Variants in LINGO2 observed in about 807,000 individuals in gnomAD.
LINGO2 encodes leucine rich repeat and Ig domain containing 2, also known as leucine-rich repeat and immunoglobulin-like domain-containing nogo receptor-interacting protein 2.
A neutral mutation model predicts 30.6 loss-of-function variants in LINGO2; 14 were observed. The observed-to-expected ratio is 0.46, with a 90% confidence interval of 0.30 to 0.72. The LOEUF (loss-of-function observed/expected upper bound fraction) is 0.72. LINGO2 is among the 30% of genes least tolerant of loss of function. LINGO2 has a pLI of 0.07. For missense variants in LINGO2, 729 were observed against 751.7 expected (o/e 0.97, Z 0.35); for synonymous variants, 317 against 288.5 (o/e 1.10, Z -1.00).
chr9:28,966,376 G>A, the LINGO2 span, among the ~76,000 whole-genome samples: 1 of 152,042 alleles, frequency 6.6e-6, no homozygotes, highest in African/African-American at 2.4e-5. Context: ...GATGTGGCTT[G>A]TTTTCCAAAG....
At chr9:28,594,020 T>C (rs1343464723) in intron 1 of LINGO2, among the ~76,000 whole-genome samples, 2 of 151,814 alleles carry the variant, frequency 1.3e-5, no homozygotes, top group Non-Finnish European at 2.9e-5. Flanking sequence ...GAATAGGTAA[T>C]AAAATCAACA....
chr9:29,190,682 A>G, the LINGO2 span, among the ~76,000 whole-genome samples: 20 of 152,340 alleles, frequency 1.3e-4, no homozygotes, highest in Middle Eastern at 3.4e-3. Context: ...AAAGCAACCA[A>G]TAAGGACACC....
intron 5 of LINGO2, among the ~76,000 whole-genome samples, chr9:27,995,139 G>A (rs907985240): frequency 1.3e-5 from 2 of 152,122 alleles, no homozygotes; most frequent in African/African-American, 2.4e-5. Flanking sequence ...GAAAAACCTC[G>A]AAGAAATGGA....
At chr9:28,632,880 G>GAGAGA (rs1563879250) in intron 1 of LINGO2, among the ~76,000 whole-genome samples, 8 of 64,588 alleles carry the variant, frequency 1.2e-4, no homozygotes, top group African/African-American at 4.5e-4. Context: ...ATATATATAT[G>GAGAGA]TAGAGAGAGA....
chr9:28,293,871 G>C (rs1823830202), intron 4 of LINGO2, among the ~76,000 whole-genome samples: 1 of 152,168 alleles, frequency 6.6e-6, no homozygotes, highest in Admixed American at 6.5e-5. Context: ...ATGCTATGAA[G>C]CATAGAACTC....
intron 4 of LINGO2, among the ~76,000 whole-genome samples, chr9:28,276,018 A>G (rs1823102915): frequency 6.6e-6 from 1 of 152,178 alleles, no homozygotes; most frequent in Non-Finnish European, 1.5e-5. Context: ...ATTTTGATTT[A>G]TACAAAATTA....
the LINGO2 span, among the ~76,000 whole-genome samples, chr9:28,866,805 T>C: frequency 2.6e-5 from 4 of 152,170 alleles, no homozygotes; most frequent in East Asian, 1.9e-4. Flanking sequence ...TTCTTTTTAA[T>C]TGGGCTCCAA....
chr9:29,002,850 G>C, the LINGO2 span, among the ~76,000 whole-genome samples: 1 of 151,878 alleles, frequency 6.6e-6, no homozygotes, highest in Non-Finnish European at 1.5e-5. Flanking sequence ...TAGGGGTTCA[G>C]TTGTATTCCC....
At chr9:28,855,869 C>T in the LINGO2 span, among the ~76,000 whole-genome samples, 4 of 152,080 alleles carry the variant, frequency 2.6e-5, no homozygotes, top group South Asian at 2.1e-4. Flanking sequence ...TAGTTCCTCC[C>T]TTCCATCCCT....
intron 4 of LINGO2, among the ~76,000 whole-genome samples, chr9:28,290,840 A>C (rs1823701089): frequency 1.3e-5 from 2 of 152,124 alleles, no homozygotes; most frequent in Non-Finnish European, 2.9e-5. Context: ...TAAGATCAGA[A>C]GGGTCAATTT....
At chr9:28,132,947 T>C (rs1426634896) in intron 4 of LINGO2, among the ~76,000 whole-genome samples, 1 of 152,182 alleles carries the variant, frequency 6.6e-6, no homozygotes, top group Non-Finnish European at 1.5e-5. Context: ...AAAGGTAATG[T>C]CCATATTCAT....
the LINGO2 span, among the ~76,000 whole-genome samples, chr9:28,686,414 T>C: frequency 2.0e-5 from 3 of 152,062 alleles, no homozygotes; most frequent in African/African-American, 4.8e-5. Flanking sequence ...AGAAAACTAA[T>C]TTTTATGGCT....
intron 4 of LINGO2, among the ~76,000 whole-genome samples, chr9:28,190,496 G>A (rs143689926): frequency 6.6e-6 from 1 of 152,096 alleles, no homozygotes; most frequent in African/African-American, 2.4e-5. Flanking sequence ...GAGCCCAAAT[G>A]AATGAGATTC....
the LINGO2 span, among the ~76,000 whole-genome samples, chr9:29,158,368 A>T: frequency 6.6e-6 from 1 of 152,076 alleles, no homozygotes; most frequent in Non-Finnish European, 1.5e-5. Context: ...AAAAATAAAA[A>T]TAAAAAAGAT....
the LINGO2 span, among the ~76,000 whole-genome samples, chr9:28,794,653 T>C: frequency 3.9e-5 from 6 of 152,140 alleles, no homozygotes; most frequent in African/African-American, 1.4e-4. Flanking sequence ...TTCTTTGACA[T>C]CCAGTAAGAT....
rs568171367 is a variant in LINGO2, at chr9:28,463,002, A to G, written c.-279+12938T>C. 2.6e-5 allele frequency among the ~76,000 whole-genome samples: 4 copies of G among 152,232 alleles called. No individual in the cohort carries two copies. The East Asian group carries it at 7.7e-4, about 29-fold the overall frequency. On this transcript the variant is annotated intron_variant, in intron 2 of 5. Transcript: ENST00000379992. ...CTACATACAGGGTTAAATATCCTGA[A>G]CAAAGAATACTAGGGCTAGAAGATG...
chr9:28,185,735 T>A (rs1207003407), intron 4 of LINGO2, among the ~76,000 whole-genome samples: 1 of 152,148 alleles, frequency 6.6e-6, no homozygotes, highest in Non-Finnish European at 1.5e-5. Context: ...CTACAGATAC[T>A]CCTAGGGATT....
the LINGO2 span, among the ~76,000 whole-genome samples, chr9:29,076,587 T>C: frequency 6.8e-6 from 1 of 147,108 alleles, no homozygotes; most frequent in Non-Finnish European, 1.5e-5. Flanking sequence ...ATTACATATA[T>C]ATATATTATA....
At chr9:28,178,285 A>C in intron 4 of LINGO2, among the ~76,000 whole-genome samples, 1 of 152,178 alleles carries the variant, frequency 6.6e-6, no homozygotes, top group Non-Finnish European at 1.5e-5. Context: ...ACATTATATT[A>C]AAATGTCTGG....
Sources: allele counts gnomAD v4.1 joint callset (sites outside exome capture counted in the v4.1 genomes callset), GRCh38; gene constraint gnomAD v4.1.1; transcripts MANE v1.5; gene names NCBI Gene and HGNC (gene_info 2026-07-23, HGNC 2026-07-21).